NLRC5: variants seen among roughly 807,000 people sequenced by gnomAD.
NLRC5 encodes the protein protein NLRC5.
NLRC5 carries 114 observed loss-of-function variants against 206.9 expected under a neutral mutation model. That is an observed-to-expected ratio of 0.55 (90% CI 0.47 to 0.64). The LOEUF is 0.64. Among genes scored for constraint, NLRC5 ranks in the 30% least tolerant of loss-of-function variants. The pLI is 0.00. For missense variants in NLRC5, 2,008 were observed against 2,305.5 expected, an observed-to-expected ratio of 0.87 and a Z score of 2.64; for synonymous variants, 952 against 962.8, an observed-to-expected ratio of 0.99 and a Z score of 0.21.
intron 24 of NLRC5, among the ~76,000 whole-genome samples, chr16:57,052,300 C>A (rs1345995958): frequency 6.6e-6 from 1 of 152,038 alleles, no homozygotes; most frequent in Non-Finnish European, 1.5e-5. Context: ...TGGTGAAACC[C>A]CGTCTCTACT....
chr16:57,071,077 G>C (rs1247691502), intron 38 of NLRC5, among the ~76,000 whole-genome samples: 1 of 122,942 alleles, frequency 8.1e-6, no homozygotes, highest in African/African-American at 3.6e-5. Context: ...GGGAAGAGTT[G>C]TGAGTGAGTG....
At chr16:57,077,242 G>T in intron 40 of NLRC5, 54 bp from the exon 41 acceptor site, 1 of 1,503,476 alleles carries the variant, frequency 6.7e-7, no homozygotes, top group Non-Finnish European at 9.3e-7. Flanking sequence ...CTGGGAGTGG[G>T]GTGTGGACAA....
At chr16:57,031,530 G>A (rs2061887485) in intron 11 of NLRC5, 67 bp downstream of exon 11, 1 of 1,500,064 alleles carries the variant, frequency 6.7e-7, no homozygotes, top group Non-Finnish European at 9.3e-7. Flanking sequence ...GGCAGTTGAG[G>A]GGAAAGGTGA....
rs2060586828 is a variant in NLRC5, at chr16:57,020,718, C to A, written c.6C>A (p.Asp2Glu). ...CCCTCCAGGGCTGGCTCCTCATGGA[C>A]CCCGTTGGCCTCCAGCTCGGCAACA... The part of the protein sequence containing the change: M[D>E]PVGLQLGNKN... Residue 2 changes from aspartate to glutamate, a missense_variant, in exon 3 of 49, where the codon GAC (aspartate) becomes GAA (glutamate). Asp to Glu is a conservative substitution (Grantham distance 45). Transcript: ENST00000688547. 1 of 1,609,506 alleles carries A rather than the reference C, an allele frequency of 6.2e-7. No individual in the cohort carries two copies. The highest frequency in any genetic ancestry group is 1.1e-5 in the South Asian group (1 of 90,724).
At chr16:57,021,422 A>G (rs1251053867) in intron 3 of NLRC5, among the ~76,000 whole-genome samples, 1 of 152,156 alleles carries the variant, frequency 6.6e-6, no homozygotes, top group African/African-American at 2.4e-5. Flanking sequence ...GCAGTGGCAC[A>G]ATCATAGCTC....
chr16:57,079,169 G>T (rs2068808635), intron 44 of NLRC5, 36 bp downstream of exon 44: 3 of 1,612,998 alleles, frequency 1.9e-6, no homozygotes, highest in Non-Finnish European at 1.7e-6. Context: ...CACGGGGACA[G>T]TCCTGGGCGG....
intron 43 of NLRC5, among the ~76,000 whole-genome samples, chr16:57,078,481 T>TTTTTTG (rs2068717701): frequency 6.8e-6 from 1 of 146,840 alleles, no homozygotes; most frequent in Admixed American, 6.7e-5. Context: ...TTTTTTTTTT[T>TTTTTTG]TTTTTTTTTA....
chr16:57,058,038 C>A (rs7201038), intron 27 of NLRC5, 27 bp from the exon 28 acceptor site: 110,772 of 1,587,876 alleles, frequency 0.07, 4,851 homozygotes, highest in African/African-American at 0.15. Flanking sequence ...ACCTCTGATC[C>A]CCGCCACTGC....
chr16:57,070,391 C>A (rs1261984264), intron 37 of NLRC5, 144 bp from the exon 38 acceptor site: 4 of 662,940 alleles, frequency 6.0e-6, no homozygotes, highest in Non-Finnish European at 1.1e-5. Flanking sequence ...CCATGGGGAA[C>A]CTGGACAGCG....
At chr16:57,075,985 T>G (rs533590226) in intron 39 of NLRC5, 17 of 168,606 alleles carry the variant, frequency 1.0e-4, no homozygotes, top group Non-Finnish European at 1.9e-4. Context: ...ATGATCTCAC[T>G]TCACTGCAAC....
intron 19 of NLRC5, 38 bp from the exon 20 acceptor site, chr16:57,043,477 C>T (rs1597326990): frequency 6.6e-7 from 1 of 1,513,990 alleles, no homozygotes; most frequent in Admixed American, 1.7e-5. Context: ...TGTTTGGGTC[C>T]TGAGTGACCT....
chr16:57,074,074 G>A (rs1395392554), intron 38 of NLRC5: 2 of 157,740 alleles, frequency 1.3e-5, no homozygotes, highest in East Asian at 1.8e-4. Flanking sequence ...ACAAGTGCTA[G>A]CTATTGTTAT....
At chr16:56,992,883 CAT>C (rs2057083063) in intron 1 of NLRC5, among the ~76,000 whole-genome samples, 1 of 151,876 alleles carries the variant, frequency 6.6e-6, no homozygotes, top group Admixed American at 6.6e-5. Context: ...CTTATTATAT[CAT>C]GTTTTAAAAT....
intron 32 of NLRC5, among the ~76,000 whole-genome samples, chr16:57,063,106 C>CT (rs34897333): frequency 0.028 from 2,670 of 94,996 alleles, 69 homozygotes; most frequent in East Asian, 0.068. Context: ...ACTTTCCTTC[C>CT]TTTTTTTTTT....
In NLRC5 at chr16:57,039,846, A is replaced by G. The variant is rs1370888730; in HGVS notation, c.2867A>G (p.Glu956Gly). Residue 956 changes from glutamate (E) to glycine (G), a missense_variant, in exon 16 of 49, where the codon GAG becomes GGG. Transcript: ENST00000688547. ...QEPEEQKGPQ[E>G]RAAFLDSLML... is the part of the protein sequence containing the mutation. ...CCAGAGGAGCAGAAGGGGCCCCAGG[A>G]GAGGTAGGGCCCGATTTCACCCCAA... 6.2e-7 allele frequency: 1 copy of G among 1,613,754 alleles called. No homozygotes were observed. The highest frequency in any genetic ancestry group is 8.5e-7 in the Non-Finnish European group (1 of 1,179,648).
intron 23 of NLRC5, 60 bp downstream of exon 23, chr16:57,047,688 G>T: frequency 7.0e-7 from 1 of 1,424,888 alleles, no homozygotes; most frequent in Non-Finnish European, 9.8e-7. Flanking sequence ...AGTGACCTGG[G>T]AGGGGGCTTC....
At position 57,025,954 on chromosome 16, in the gene NLRC5, G is replaced by A. The variant is rs2061235050; in HGVS notation, c.1011G>A (p.Leu337=). 1 of 1,614,094 alleles carries A rather than the reference G, an allele frequency of 6.2e-7. No individual in the cohort carries two copies. The highest frequency in any genetic ancestry group is 2.2e-5 in the East Asian group (1 of 44,892). ...CCCATCTCTGCAATGGGACCCTCCT[G>A]CCTGGCTGCCGGGTGATGGCTACCT... The part of the protein sequence containing the change: ...LFSHLCNGTL[L]PGCRVMATSR... Residue 337 remains leucine (L), a synonymous_variant, in exon 6 of 49, where the codon CTG becomes CTA. Transcript: ENST00000688547.
At chr16:57,018,377 G>A (rs774484300) in intron 2 of NLRC5, among the ~76,000 whole-genome samples, 4 of 152,224 alleles carry the variant, frequency 2.6e-5, no homozygotes, top group Non-Finnish European at 5.9e-5. Context: ...CTTGCTGTGT[G>A]ACTGTGGGCA....
At chr16:57,062,364 C>A in intron 32 of NLRC5, 1 of 328,528 alleles carries the variant, frequency 3.0e-6, no homozygotes, top group Non-Finnish European at 5.9e-6. Flanking sequence ...AGACAGCTGG[C>A]TTTTGGGATC....
Sources: gnomAD v4.1 joint callset for allele counts (sites outside exome capture counted in the v4.1 genomes callset) on GRCh38, gnomAD v4.1.1 for gene constraint, MANE v1.5 for transcripts, NCBI Gene and HGNC (gene_info 2026-07-23, HGNC 2026-07-21) for gene names.